MYO3B: variants seen among roughly 807,000 people sequenced by gnomAD.
MYO3B encodes the protein myosin-IIIb.
Under a neutral mutation model 174.6 loss-of-function variants are expected in MYO3B, and 156 were observed. That is an observed-to-expected ratio of 0.89 (90% CI 0.78 to 1.02). MYO3B has a LOEUF of 1.02. Among genes scored for constraint, MYO3B ranks in the 50% least tolerant of loss-of-function variants. MYO3B has a pLI of 0.00. For missense variants in MYO3B, 1,632 were observed against 1,639.4 expected, an observed-to-expected ratio of 1.00 and a Z score of 0.08; for synonymous variants, 563 against 569.1, an observed-to-expected ratio of 0.99 and a Z score of 0.15.
chr2:170,231,272 C>T (rs973927021), intron 6 of MYO3B, among the ~76,000 whole-genome samples: 2 of 152,156 alleles, frequency 1.3e-5, no homozygotes, highest in African/African-American at 2.4e-5. Context: ...AGAGAATTGC[C>T]TCAACAATTG....
At chr2:170,560,133 A>G (rs947716852) in intron 32 of MYO3B, among the ~76,000 whole-genome samples, 2 of 152,198 alleles carry the variant, frequency 1.3e-5, no homozygotes, top group African/African-American at 2.4e-5. Flanking sequence ...CAAGTTTAGC[A>G]ACTCCTTTCT....
Position 170,519,621 on chromosome 2 carries a change from G to T in MYO3B, c.3575+81G>T, listed in dbSNP as rs563745252. ...GGATAATGAAATGGTAATGGATAAT[G>T]CAACAAGTATTTCTACCACTATGGT... On this transcript the variant is annotated intron_variant, in intron 30 of 34. Transcript: ENST00000408978. The T allele has an allele frequency of 7.8e-6, 9 of 1,151,362 alleles. No individual in the cohort carries two copies. In the East Asian group the frequency reaches 2.1e-4, roughly 27 times the overall value. 71.3% of individuals were successfully genotyped at this position (1,151,362 alleles called of 1,614,324 possible). A position where few individuals can be genotyped will look rare whatever the true frequency, so the allele number is the denominator to read the frequency against.
At chr2:170,208,092 G>C (rs989054593) in intron 3 of MYO3B, among the ~76,000 whole-genome samples, 1 of 152,142 alleles carries the variant, frequency 6.6e-6, no homozygotes, top group Non-Finnish European at 1.5e-5. Context: ...GGGAAGCCTG[G>C]CTTAACTGGC....
chr2:170,349,350 C>T (rs566570886), intron 8 of MYO3B, among the ~76,000 whole-genome samples: 165 of 152,328 alleles, frequency 1.1e-3, no homozygotes, highest in African/African-American at 3.3e-3. Context: ...TGTCTCCCCA[C>T]TCAAACTGTA....
intron 32 of MYO3B, among the ~76,000 whole-genome samples, chr2:170,588,270 C>CA (rs1014949894): frequency 2.7e-5 from 4 of 149,824 alleles, no homozygotes; most frequent in African/African-American, 4.9e-5. Flanking sequence ...CATCTCTATA[C>CA]AAAAAAAAGA....
chr2:170,647,842 AT>A (rs1698496298), intron 32 of MYO3B: 1 of 152,242 alleles, frequency 6.6e-6, no homozygotes, highest in Admixed American at 6.5e-5. Context: ...AGTTGAGACA[AT>A]ATAAATAAAA....
chr2:170,624,441 C>T (rs1009146824), intron 32 of MYO3B, among the ~76,000 whole-genome samples: 1 of 152,156 alleles, frequency 6.6e-6, no homozygotes, highest in Non-Finnish European at 1.5e-5. Flanking sequence ...GCTGAGGTTG[C>T]TTATCAGCAT....
chr2:170,188,742 A>G (rs149282918), intron 1 of MYO3B, among the ~76,000 whole-genome samples: 2 of 152,290 alleles, frequency 1.3e-5, no homozygotes, highest in East Asian at 3.9e-4. Context: ...AGAGAAATTA[A>G]TGAGAACTCT....
intron 16 of MYO3B, among the ~76,000 whole-genome samples, chr2:170,395,530 G>T (rs2094438198): frequency 6.6e-6 from 1 of 152,146 alleles, no homozygotes; most frequent in African/African-American, 2.4e-5. Flanking sequence ...GTACTGCTCT[G>T]AAGAGAGATT....
intron 7 of MYO3B, among the ~76,000 whole-genome samples, chr2:170,256,134 C>G (rs1206098384): frequency 6.6e-6 from 1 of 152,184 alleles, no homozygotes; most frequent in African/African-American, 2.4e-5. Flanking sequence ...GAAATAGATT[C>G]TCTAAAGAGA....
intron 32 of MYO3B, among the ~76,000 whole-genome samples, chr2:170,626,105 T>TC (rs772467848): frequency 5.3e-5 from 8 of 152,166 alleles, no homozygotes; most frequent in Non-Finnish European, 1.2e-4. Context: ...TTCCTGGATA[T>TC]CCTTGTTAAC....
chr2:170,445,229 C>A (rs145085509), intron 23 of MYO3B, among the ~76,000 whole-genome samples: 2 of 152,210 alleles, frequency 1.3e-5, no homozygotes, highest in African/African-American at 4.8e-5. Flanking sequence ...ATTGAACTCA[C>A]AATCAATAGC....
chr2:170,557,088 T>G (rs556947194), intron 32 of MYO3B, among the ~76,000 whole-genome samples: 1 of 152,226 alleles, frequency 6.6e-6, no homozygotes, highest in African/African-American at 2.4e-5. Context: ...TTTGTTTTTC[T>G]TTCCAACTTT....
At chr2:170,638,954 C>G (rs1176017065) in intron 32 of MYO3B, among the ~76,000 whole-genome samples, 2 of 152,136 alleles carry the variant, frequency 1.3e-5, no homozygotes, top group African/African-American at 4.8e-5. Context: ...TTTGCTACAG[C>G]TGACCAGCCC....
chr2:170,473,000 C>T (rs1354957065), intron 25 of MYO3B, among the ~76,000 whole-genome samples: 1 of 152,006 alleles, frequency 6.6e-6, no homozygotes, highest in African/African-American at 2.4e-5. Context: ...CATGCCTGAA[C>T]TTCAGCTCAC....
intron 10 of MYO3B, chr2:170,382,455 T>G (rs754474770): frequency 2.7e-5 from 5 of 183,162 alleles, no homozygotes; most frequent in Non-Finnish European, 5.8e-5. Context: ...TTGTTCTTCA[T>G]AAGAAAGAGC....
intron 23 of MYO3B, among the ~76,000 whole-genome samples, chr2:170,444,718 A>G (rs900182730): frequency 2.6e-5 from 4 of 152,226 alleles, no homozygotes; most frequent in Non-Finnish European, 5.9e-5. Flanking sequence ...ACATATTTAT[A>G]TTTACTTTTC....
chr2:170,352,351 T>C (rs1396984346), intron 8 of MYO3B, among the ~76,000 whole-genome samples: 1 of 152,188 alleles, frequency 6.6e-6, no homozygotes, highest in South Asian at 2.1e-4. Flanking sequence ...TAAGCAAATA[T>C]GTTAAAACTA....
intron 32 of MYO3B, among the ~76,000 whole-genome samples, chr2:170,568,901 A>G (rs1476972217): frequency 6.6e-6 from 1 of 152,104 alleles, no homozygotes; most frequent in Non-Finnish European, 1.5e-5. Flanking sequence ...TCTTCTTAAA[A>G]GATGTTTAGG....
Sources: gnomAD v4.1 joint callset for allele counts (sites outside exome capture counted in the v4.1 genomes callset) on GRCh38, gnomAD v4.1.1 for gene constraint, MANE v1.5 for transcripts, NCBI Gene and HGNC (gene_info 2026-07-23, HGNC 2026-07-21) for gene names.